Variants in PXDNL observed in about 807,000 individuals in gnomAD.
PXDNL encodes probable oxidoreductase PXDNL.
In PXDNL, 145 loss-of-function variants were observed where a neutral mutation model predicts 150.8. The ratio of observed to expected loss-of-function variants is 0.96; its 90% CI spans 0.84 to 1.10. The LOEUF (loss-of-function observed/expected upper bound fraction) is 1.10. Among genes scored for constraint, PXDNL ranks in the 50% least tolerant of loss-of-function variants. The pLI is 0.00. For missense variants in PXDNL, 2,087 were observed against 1,873.9 expected, an observed-to-expected ratio of 1.11 and a Z score of -2.10; for synonymous variants, 757 against 725.7, an observed-to-expected ratio of 1.04 and a Z score of -0.69.
intron 1 of PXDNL, among the ~76,000 whole-genome samples, chr8:51,672,863 G>A (rs1339899900): frequency 1.3e-5 from 2 of 152,116 alleles, no homozygotes; most frequent in Non-Finnish European, 2.9e-5. Context: ...TGTATTATCA[G>A]ACTATAGAAG....
At chr8:51,613,018 C>T (rs751838491) in intron 2 of PXDNL, among the ~76,000 whole-genome samples, 1 of 152,028 alleles carries the variant, frequency 6.6e-6, no homozygotes, top group African/African-American at 2.4e-5. Flanking sequence ...GTTACTGCTG[C>T]GATGTAAGGC....
At chr8:51,779,647 G>T (rs1212881318) in intron 1 of PXDNL, among the ~76,000 whole-genome samples, 1 of 152,226 alleles carries the variant, frequency 6.6e-6, no homozygotes, top group African/African-American at 2.4e-5. Context: ...GGTCCACCAA[G>T]TATGTGTGCC....
At chr8:51,704,871 C>T (rs183048715) in intron 1 of PXDNL, among the ~76,000 whole-genome samples, 1 of 152,086 alleles carries the variant, frequency 6.6e-6, no homozygotes. Context: ...AGATCTTAAT[C>T]ATTAGTCTGA....
intron 3 of PXDNL, among the ~76,000 whole-genome samples, chr8:51,576,527 G>T (rs1343211084): frequency 1.3e-5 from 2 of 151,794 alleles, no homozygotes; most frequent in Non-Finnish European, 2.9e-5. Flanking sequence ...AGGTAGTATA[G>T]AAAGGAAAAT....
chr8:51,705,868 T>C (rs1358025187), intron 1 of PXDNL, among the ~76,000 whole-genome samples: 1 of 151,926 alleles, frequency 6.6e-6, no homozygotes, highest in Non-Finnish European at 1.5e-5. Flanking sequence ...TGCACATGTG[T>C]GCAGATTCTT....
intron 4 of PXDNL, among the ~76,000 whole-genome samples, chr8:51,538,242 A>G (rs1183338330): frequency 6.6e-6 from 1 of 152,220 alleles, no homozygotes; most frequent in African/African-American, 2.4e-5. Flanking sequence ...ATTTTTCCAA[A>G]CAATTTAGAT....
chr8:51,658,243 G>A (rs866348256), intron 1 of PXDNL, among the ~76,000 whole-genome samples: 20 of 151,234 alleles, frequency 1.3e-4, no homozygotes, highest in African/African-American at 2.7e-4. Context: ...TCAGGAGGTC[G>A]AGGTGGGAAG....
chr8:51,411,229 T>C, intron 16 of PXDNL, 21 bp downstream of exon 16: 1 of 1,418,640 alleles, frequency 7.0e-7, no homozygotes, highest in Non-Finnish European at 9.2e-7. Flanking sequence ...AGGCTGAGAA[T>C]AAAATGGCTT....
chr8:51,711,197 A>G (rs1194703325), intron 1 of PXDNL, among the ~76,000 whole-genome samples: 4 of 152,200 alleles, frequency 2.6e-5, no homozygotes, highest in African/African-American at 4.8e-5. Context: ...CGGGAGTGCA[A>G]TGGTGCAATC....
In PXDNL at chr8:51,319,802, C is replaced by A; in HGVS notation, c.*89G>T. 8.1e-7 allele frequency: 1 copy of A among 1,232,480 alleles called. No homozygotes were observed. The highest frequency in any genetic ancestry group is 1.1e-6 in the Non-Finnish European group (1 of 934,032). 76.3% of individuals were successfully genotyped at this position (1,232,480 alleles called of 1,614,324 possible). A position where few individuals can be genotyped will look rare whatever the true frequency, so the allele number is the denominator to read the frequency against. Reference sequence around the variant, plus strand: ...CTTAAGTCAGTGGTTTCCATATCAACAATGTGACTACAAGTTAAAAGTTCT... The same window carrying A: ...CTTAAGTCAGTGGTTTCCATATCAAAAATGTGACTACAAGTTAAAAGTTCT... On this transcript the variant is annotated 3_prime_UTR_variant, in exon 23 of 23. Coordinates refer to ENST00000356297, the MANE Select transcript of PXDNL (RefSeq NM_144651.5).
At chr8:51,779,061 A>G (rs2037384756) in intron 1 of PXDNL, among the ~76,000 whole-genome samples, 1 of 152,250 alleles carries the variant, frequency 6.6e-6, no homozygotes, top group South Asian at 2.1e-4. Context: ...ATCCACTGAT[A>G]ACCATAAACA....
At chr8:51,592,773 G>T in intron 2 of PXDNL, 75 bp from the exon 3 acceptor site, 4 of 1,075,602 alleles carry the variant, frequency 3.7e-6, no homozygotes, top group Non-Finnish European at 5.2e-6. Flanking sequence ...GTTCTGCTAA[G>T]TATAGTGCTT....
At chr8:51,684,856 A>G (rs1815838564) in intron 1 of PXDNL, among the ~76,000 whole-genome samples, 1 of 152,190 alleles carries the variant, frequency 6.6e-6, no homozygotes, top group South Asian at 2.1e-4. Flanking sequence ...CCTCAGCCCT[A>G]TGACTACAAG....
intron 4 of PXDNL, among the ~76,000 whole-genome samples, chr8:51,554,473 G>T (rs1454498098): frequency 6.6e-6 from 1 of 152,222 alleles, no homozygotes; most frequent in East Asian, 1.9e-4. Flanking sequence ...TACTTGGCCA[G>T]GCTGTGAATT....
chr8:51,615,076 G>C (rs575683467), intron 2 of PXDNL, among the ~76,000 whole-genome samples: 1 of 152,164 alleles, frequency 6.6e-6, no homozygotes, highest in Non-Finnish European at 1.5e-5. Context: ...CTTTTCCTGT[G>C]ACTTCAATCA....
intron 7 of PXDNL, among the ~76,000 whole-genome samples, chr8:51,473,468 G>T (rs1425931053): frequency 1.3e-5 from 2 of 152,070 alleles, no homozygotes; most frequent in Non-Finnish European, 2.9e-5. Flanking sequence ...TTAAAAGGAG[G>T]ACCATTAAAA....
At chr8:51,567,982 A>T (rs1164586285) in intron 3 of PXDNL, among the ~76,000 whole-genome samples, 1 of 151,818 alleles carries the variant, frequency 6.6e-6, no homozygotes, top group Non-Finnish European at 1.5e-5. Flanking sequence ...TCAATCTGTG[A>T]TCAGCTGAAT....
intron 3 of PXDNL, among the ~76,000 whole-genome samples, chr8:51,564,344 T>C (rs1451365380): frequency 6.6e-6 from 1 of 152,006 alleles, no homozygotes; most frequent in African/African-American, 2.4e-5. Flanking sequence ...TGGAACTGAT[T>C]ATAATACGTA....
At chr8:51,575,937 T>C (rs552899530) in intron 3 of PXDNL, among the ~76,000 whole-genome samples, 2 of 152,048 alleles carry the variant, frequency 1.3e-5, no homozygotes, top group Admixed American at 1.3e-4. Flanking sequence ...GAATATTTTA[T>C]AATTATTTTA....
Sources: gnomAD v4.1 joint callset for allele counts (sites outside exome capture counted in the v4.1 genomes callset) on GRCh38, gnomAD v4.1.1 for gene constraint, MANE v1.5 for transcripts, NCBI Gene and HGNC (gene_info 2026-07-23, HGNC 2026-07-21) for gene names.